The following IL2RB variants were observed in gnomAD, a reference collection of about 807,000 sequenced individuals.
IL2RB encodes interleukin 2 receptor subunit beta.
IL2RB carries 17 observed loss-of-function variants against 44.2 expected under a neutral mutation model. The ratio of observed to expected loss-of-function variants is 0.38; its 90% CI spans 0.26 to 0.58. The LOEUF (loss-of-function observed/expected upper bound fraction) is 0.58, where lower values mean the gene tolerates loss of function less well. Ranked by LOEUF, IL2RB falls within the 20% of genes least tolerant of loss-of-function variation. IL2RB has a pLI of 0.63. For synonymous variants in IL2RB, 286 were observed against 297.9 expected (o/e 0.96, Z 0.41); for missense variants, 624 against 685.5 (o/e 0.91, Z 1.00).
intron 1 of IL2RB, among the ~76,000 whole-genome samples, chr22:37,168,598 G>A (rs942559634): frequency 3.3e-5 from 5 of 152,226 alleles, no homozygotes; most frequent in African/African-American, 1.2e-4. Context: ...GCATGAGATT[G>A]TGCACACAGA....
rs774284866 is a variant in IL2RB, at chr22:37,162,448, G to A, written c.-34+12510C>T. Among the ~76,000 whole-genome samples the A allele has an allele frequency of 8.1e-4, 123 of 152,324 alleles. 1 individual carries two copies. Among genetic ancestry groups the A allele is most frequent in the Non-Finnish European group, 7.8e-4 (53 of 68,018 alleles). ...GGCTACCTAAATGCGCACTTGGAAG[G>A]CCTGGTGAGGCCCACGCACACACCA... On this transcript the variant is annotated intron_variant, in intron 1 of 5. Coordinates refer to the IL2RB transcript ENST00000429622.
chr22:37,146,531 C>T (rs938916925), intron 1 of IL2RB, among the ~76,000 whole-genome samples: 1 of 152,234 alleles, frequency 6.6e-6, no homozygotes, highest in Non-Finnish European at 1.5e-5. Flanking sequence ...TCTATCCTTT[C>T]CCTGGGTCCC....
In IL2RB at chr22:37,146,815, C is replaced by CA. The variant is rs34900038; in HGVS notation, c.-33-2611dup. On this transcript the variant is annotated intron_variant, in intron 1 of 9. Transcript: ENST00000216223. ...AGTGTGGTCAGAGGCCTCAGTACGG[C>CA]AAAAAAAAAAAAGCAGAGCTCTTTA... Among the ~76,000 whole-genome samples, 1,227 of 141,610 alleles carry CA rather than the reference C, an allele frequency of 8.7e-3. 7 individuals carry two copies. The highest frequency in any genetic ancestry group is 0.017 in the African/African-American group (679 of 39,248). The allele number at this position is 141,610 out of a possible 152,430, so 92.9% of individuals were successfully genotyped here.
chr22:37,130,113 G>C (rs1340333301), intron 9 of IL2RB, among the ~76,000 whole-genome samples: 1 of 152,236 alleles, frequency 6.6e-6, no homozygotes, highest in African/African-American at 2.4e-5. Context: ...CTGCAACCAG[G>C]AGTTATGTCA....
At chr22:37,168,426 G>A (rs1023700820) in intron 1 of IL2RB, among the ~76,000 whole-genome samples, 1 of 152,200 alleles carries the variant, frequency 6.6e-6, no homozygotes, top group East Asian at 1.9e-4. Flanking sequence ...CATCGGTGCT[G>A]TGGGCAGTGG....
chr22:37,141,411 T>G lies in IL2RB; in HGVS notation c.282+1023A>C, dbSNP rs1163746143. Among the ~76,000 whole-genome samples the G allele has an allele frequency of 2.6e-5, 4 of 152,112 alleles. No individual in the cohort carries two copies. Among genetic ancestry groups the G allele is most frequent in the Admixed American group, 6.5e-5 (1 of 15,274 alleles). On this transcript the variant is annotated intron_variant, in intron 4 of 9. Coordinates refer to ENST00000216223, the MANE Select transcript of IL2RB (RefSeq NM_000878.5). This position sits in a 1 kb window ranked among gnomAD's most constrained non-coding sequence, Gnocchi z 4.4. The stretch of plus-strand genomic sequence containing the variant: ...CTCAGAGCTGTCTGTTCCCACTGCT[T>G]GGCCTCTCCCCTGCTTCTGGCACCC...
intron 9 of IL2RB, among the ~76,000 whole-genome samples, chr22:37,129,105 G>A (rs906072574): frequency 6.6e-6 from 1 of 152,226 alleles, no homozygotes; most frequent in African/African-American, 2.4e-5. Flanking sequence ...TGCCAGTAGT[G>A]CCCAGGAATG....
intron 6 of IL2RB, among the ~76,000 whole-genome samples, 167 bp downstream of exon 6, chr22:37,137,420 G>A (rs188292409): frequency 1.3e-3 from 194 of 152,352 alleles, no homozygotes; most frequent in African/African-American, 4.5e-3. Flanking sequence ...AGATAAGGAC[G>A]TGGAAGTCGG....
chr22:37,156,302 G>A (rs1922678519), intron 1 of IL2RB, among the ~76,000 whole-genome samples: 1 of 152,216 alleles, frequency 6.6e-6, no homozygotes, highest in Non-Finnish European at 1.5e-5. Flanking sequence ...CGCCTCCACT[G>A]TACAACAGTG....
chr22:37,152,929 C>CTTTTTTTTTT (rs67046193), upstream of IL2RB, among the ~76,000 whole-genome samples: 1 of 86,982 alleles, frequency 1.1e-5, no homozygotes, highest in African/African-American at 4.8e-5. Context: ...GCTGTGGCCT[C>CTTTTTTTTTT]TTTTTTTTTT....
intron 5 of IL2RB, among the ~76,000 whole-genome samples, chr22:37,138,648 C>T (rs1921817518): frequency 6.6e-6 from 1 of 152,212 alleles, no homozygotes. Context: ...GACAGACCTA[C>T]AATCAGGCAG....
At chr22:37,161,345 T>TAA (rs1182176309) in intron 1 of IL2RB, among the ~76,000 whole-genome samples, 3 of 152,206 alleles carry the variant, frequency 2.0e-5, no homozygotes, top group Admixed American at 2.0e-4. Context: ...CTGTCCTGGA[T>TAA]ATTTAGTTTA....
intron 1 of IL2RB, among the ~76,000 whole-genome samples, chr22:37,160,970 C>T (rs981449092): frequency 7.2e-5 from 11 of 152,034 alleles, no homozygotes; most frequent in Non-Finnish European, 1.0e-4. Flanking sequence ...GGTGAAACCC[C>T]ATCTCTACTA....
chr22:37,153,690 G>A (rs535185584), upstream of IL2RB, among the ~76,000 whole-genome samples: 15 of 152,276 alleles, frequency 9.9e-5, no homozygotes, highest in Non-Finnish European at 1.8e-4. Context: ...AATTAGGAAC[G>A]CCGGTTGTCT....
chr22:37,161,922 T>C (rs229489), intron 1 of IL2RB: 55,679 of 152,122 alleles, frequency 0.37, 10,908 homozygotes, highest in African/African-American at 0.51. Context: ...GTGTCCAGGA[T>C]GCAGCAATTC....
chr22:37,171,558 C>T (rs981728925), intron 1 of IL2RB, among the ~76,000 whole-genome samples: 1 of 152,104 alleles, frequency 6.6e-6, no homozygotes, highest in African/African-American at 2.4e-5. Flanking sequence ...GTAGATGGAC[C>T]TCACCAGAAG....
chr22:37,135,247 T>C (rs1261119821), intron 8 of IL2RB, 81 bp downstream of exon 8: 10 of 880,726 alleles, frequency 1.1e-5, no homozygotes, highest in East Asian at 2.4e-5. Flanking sequence ...TGTGCTTGTG[T>C]GCGTGTGTGT....
intron 1 of IL2RB, among the ~76,000 whole-genome samples, chr22:37,168,648 T>C (rs1411565047): frequency 1.3e-5 from 2 of 152,240 alleles, no homozygotes; most frequent in African/African-American, 2.4e-5. Context: ...AGGAGGCACC[T>C]GAGGAAGGCT....
chr22:37,132,243 A>C, intron 9 of IL2RB, 141 bp downstream of exon 9: 1 of 609,772 alleles, frequency 1.6e-6, no homozygotes, highest in Non-Finnish European at 2.9e-6. Context: ...GAGCTGGAGA[A>C]GAGACCCATG....
Sources: allele counts gnomAD v4.1 joint callset (sites outside exome capture counted in the v4.1 genomes callset), GRCh38; gene constraint gnomAD v4.1.1; non-coding constraint Gnocchi (gnomAD v3.1); transcripts MANE v1.5; gene names NCBI Gene and HGNC (gene_info 2026-07-23, HGNC 2026-07-21).